ALK: variants seen among roughly 807,000 people sequenced by gnomAD.
The protein encoded by ALK is ALK tyrosine kinase receptor.
In ALK, 74 loss-of-function variants were observed where a neutral mutation model predicts 163.1. The ratio of observed to expected loss-of-function variants is 0.45; its 90% CI spans 0.38 to 0.55. ALK has a LOEUF of 0.55. Among genes scored for constraint, ALK ranks in the 20% least tolerant of loss-of-function variants. The pLI is 0.00. For missense variants in ALK, 2,063 were observed against 2,105.3 expected, an observed-to-expected ratio of 0.98 and a Z score of 0.39; for synonymous variants, 960 against 843.2, an observed-to-expected ratio of 1.14 and a Z score of -2.40.
intron 1 of ALK, among the ~76,000 whole-genome samples, chr2:29,785,954 CACACAT>C (rs1477670726): frequency 0.01 from 1,065 of 101,528 alleles, 11 homozygotes; most frequent in African/African-American, 0.043. Context: ...CACACACACA[CACACAT>C]TACCCTCTCT....
chr2:29,529,918 G>A (rs1472758947), intron 4 of ALK, among the ~76,000 whole-genome samples: 1 of 152,182 alleles, frequency 6.6e-6, no homozygotes, highest in Non-Finnish European at 1.5e-5. Flanking sequence ...ATTGCCTTGG[G>A]AAGAGGATAA....
intron 1 of ALK, among the ~76,000 whole-genome samples, chr2:29,789,015 CTGTGTG>C (rs57619106): frequency 1.2e-3 from 155 of 125,490 alleles, no homozygotes; most frequent in African/African-American, 3.1e-3. Context: ...TCCTGGTACA[CTGTGTG>C]TGTGTGTGTG....
At chr2:29,284,731 A>G (rs1304306550) in intron 9 of ALK, among the ~76,000 whole-genome samples, 1 of 152,036 alleles carries the variant, frequency 6.6e-6, no homozygotes, top group Non-Finnish European at 1.5e-5. Context: ...TTGCTAATCT[A>G]CTCCTTGCTC....
At chr2:29,361,029 G>A (rs773931840) in intron 5 of ALK, among the ~76,000 whole-genome samples, 2 of 152,222 alleles carry the variant, frequency 1.3e-5, no homozygotes, top group Admixed American at 6.5e-5. Context: ...GGGAGGCCCC[G>A]AGGCCATGCT....
intron 7 of ALK, among the ~76,000 whole-genome samples, chr2:29,319,757 A>G (rs1666955594): frequency 6.6e-6 from 1 of 152,240 alleles, no homozygotes; most frequent in South Asian, 2.1e-4. Flanking sequence ...GAACAGAGAC[A>G]TGAAGGGCAC....
intron 1 of ALK, among the ~76,000 whole-genome samples, chr2:29,877,182 T>C (rs1183879111): frequency 6.6e-6 from 1 of 152,228 alleles, no homozygotes; most frequent in South Asian, 2.1e-4. Flanking sequence ...TTTTTGCCTG[T>C]TTATAAGTTA....
chr2:29,839,025 C>T (rs903837630), intron 1 of ALK, among the ~76,000 whole-genome samples: 3 of 151,998 alleles, frequency 2.0e-5, no homozygotes, highest in Non-Finnish European at 2.9e-5. Flanking sequence ...TCACTTTTAC[C>T]ACCCAAAATG....
At chr2:29,713,756 T>C (rs551988912) in intron 2 of ALK, among the ~76,000 whole-genome samples, 1 of 152,202 alleles carries the variant, frequency 6.6e-6, no homozygotes, top group East Asian at 1.9e-4. Context: ...AAAAATAAAA[T>C]ATAAAATAAT....
chr2:29,403,864 A>G (rs1213843950), intron 4 of ALK, among the ~76,000 whole-genome samples: 1 of 152,042 alleles, frequency 6.6e-6, no homozygotes, highest in Non-Finnish European at 1.5e-5. Context: ...GTGAGCAATG[A>G]TCGTGCCACT....
intron 23 of ALK, among the ~76,000 whole-genome samples, chr2:29,216,327 G>A (rs777563735): frequency 6.6e-6 from 1 of 152,060 alleles, no homozygotes; most frequent in South Asian, 2.1e-4. Flanking sequence ...CCTACCAGAG[G>A]AGGCCCTGGC....
chr2:29,585,509 G>C (rs1248958967), intron 3 of ALK, among the ~76,000 whole-genome samples: 1 of 152,072 alleles, frequency 6.6e-6, no homozygotes, highest in East Asian at 1.9e-4. Context: ...TATATTTTTA[G>C]TAGAGATGGT....
At chr2:29,756,259 C>A (rs1010261487) in intron 1 of ALK, among the ~76,000 whole-genome samples, 3 of 152,220 alleles carry the variant, frequency 2.0e-5, no homozygotes, top group Non-Finnish European at 2.9e-5. Flanking sequence ...GGAGGACCTT[C>A]CGGACCTTTT....
intron 9 of ALK, 38 bp downstream of exon 9, chr2:29,296,850 A>G: frequency 1.2e-6 from 2 of 1,613,620 alleles, no homozygotes; most frequent in Non-Finnish European, 1.7e-6. Flanking sequence ...TTTAGCTGAT[A>G]GAGGAGAAGG....
chr2:29,737,831 A>C (rs1316316759), intron 1 of ALK, among the ~76,000 whole-genome samples: 1 of 152,064 alleles, frequency 6.6e-6, no homozygotes, highest in Non-Finnish European at 1.5e-5. Flanking sequence ...GGTTCCTCAG[A>C]ATAACACATG....
At chr2:29,754,809 CTAA>C (rs1442477379) in intron 1 of ALK, among the ~76,000 whole-genome samples, 1 of 152,112 alleles carries the variant, frequency 6.6e-6, no homozygotes, top group Non-Finnish European at 1.5e-5. Context: ...TTAGTGGCCA[CTAA>C]TATTATTTCT....
intron 1 of ALK, among the ~76,000 whole-genome samples, chr2:29,761,406 T>C (rs1163636767): frequency 6.6e-6 from 1 of 152,178 alleles, no homozygotes; most frequent in Non-Finnish European, 1.5e-5. Flanking sequence ...ATGATGAATA[T>C]GCTCTGGCTG....
At chr2:29,846,000 G>T (rs978864989) in intron 1 of ALK, among the ~76,000 whole-genome samples, 28 of 152,206 alleles carry the variant, frequency 1.8e-4, no homozygotes, top group African/African-American at 6.0e-4. Context: ...CCAGTGGTCT[G>T]GTCTATATCA....
rs559001410 is a variant in ALK at position 29,679,224 on chromosome 2, T to C, written c.952+15626A>G. Among the ~76,000 whole-genome samples the C allele has an allele frequency of 1.1e-4, 17 of 152,022 alleles. No homozygotes were observed. In the South Asian group the frequency reaches 2.1e-3, roughly 19 times the overall value. The stretch of plus-strand genomic sequence containing the variant: ...GTGTGATATCTCTTTTCCAATCCTT[T>C]TACTTTCAATCTATTTGAGTATTTG... On this transcript the variant is annotated intron_variant, in intron 3 of 28. Coordinates refer to ENST00000389048, the MANE Select transcript of ALK (RefSeq NM_004304.5).
At chr2:29,831,559 T>A (rs1665420493) in intron 1 of ALK, among the ~76,000 whole-genome samples, 1 of 152,194 alleles carries the variant, frequency 6.6e-6, no homozygotes, top group African/African-American at 2.4e-5. Flanking sequence ...ACTCTGTTGA[T>A]CCACATCAGT....
Sources: allele counts gnomAD v4.1 joint callset (sites outside exome capture counted in the v4.1 genomes callset), GRCh38; gene constraint gnomAD v4.1.1; transcripts MANE v1.5; gene names NCBI Gene and HGNC (gene_info 2026-07-23, HGNC 2026-07-21).